SQOR: variants seen among roughly 807,000 people sequenced by gnomAD.
SQOR encodes sulfide quinone oxidoreductase.
Under a neutral mutation model 48.6 loss-of-function variants are expected in SQOR, and 39 were observed. The ratio of observed to expected loss-of-function variants is 0.80; its 90% CI spans 0.62 to 1.05. The LOEUF (loss-of-function observed/expected upper bound fraction) is 1.05, where lower values mean the gene tolerates loss of function less well. SQOR is among the 50% of genes least tolerant of loss of function. The probability of loss-of-function intolerance (pLI) is 0.00; values close to 1 mark genes in which losing one functional copy is unlikely to be tolerated. For missense variants in SQOR, 561 were observed against 559.9 expected (o/e 1.00, Z -0.02); for synonymous variants, 220 against 206.2 (o/e 1.07, Z -0.57).
Position 45,679,219 on chromosome 15 carries a change from A to G in SQOR, c.864+2909A>G, listed in dbSNP as rs1309414579. The stretch of plus-strand genomic sequence containing the variant: ...TTCCACTCTTAAAATCTGAATTTCA[A>G]AAAATCCACCAGAAGGATGTAAAGC... On this transcript the variant is annotated intron_variant, in intron 6 of 9. Transcript: ENST00000260324. Among the ~76,000 whole-genome samples, 4 of 152,240 alleles carry G rather than the reference A, an allele frequency of 2.6e-5. No individual in the cohort carries two copies. The South Asian group carries it at 8.3e-4, about 32-fold the overall frequency.
Position 45,669,953 on chromosome 15 carries a change from CT to C in SQOR, c.432del (p.Leu145SerfsTer22). The C allele has an allele frequency of 6.2e-7, 1 of 1,614,050 alleles. No individual in the cohort carries two copies. The highest frequency in any genetic ancestry group is 1.1e-5 in the South Asian group (1 of 91,072). ...EKISYRYLII[A>X]LGIQLDYEKI... is the part of the protein sequence containing the mutation. ...ATCTCCTACCGATATCTTATTATTG[CT>C]CTCGGAATCCAGCTGGACTATGAGA... On this transcript the variant is annotated frameshift_variant, in exon 4 of 10. Coordinates refer to ENST00000260324, the MANE Select transcript of SQOR (RefSeq NM_021199.4). LOFTEE classifies it high-confidence loss of function.
At chr15:45,688,156 C>T (rs1890254458) in intron 7 of SQOR, among the ~76,000 whole-genome samples, 181 bp from the exon 8 acceptor site, 3 of 152,290 alleles carry the variant, frequency 2.0e-5, no homozygotes, top group African/African-American at 7.2e-5. Flanking sequence ...GCAGGCCTTC[C>T]ATGAATTAAA....
At chr15:45,675,998 C>A in intron 5 of SQOR, 103 bp from the exon 6 acceptor site, 1 of 1,158,036 alleles carries the variant, frequency 8.6e-7, no homozygotes, top group Non-Finnish European at 1.2e-6. Flanking sequence ...GTGGCAAAAG[C>A]TAGCAAGGTC....
intron 1 of SQOR, among the ~76,000 whole-genome samples, chr15:45,651,060 G>A (rs1889476407): frequency 6.6e-6 from 1 of 152,188 alleles, no homozygotes; most frequent in Admixed American, 6.5e-5. Context: ...TCACAGAGCA[G>A]GGGGCGGCGC....
intron 3 of SQOR, among the ~76,000 whole-genome samples, chr15:45,665,628 G>A (rs534997034): frequency 6.7e-6 from 1 of 149,494 alleles, no homozygotes; most frequent in African/African-American, 2.5e-5. Context: ...CTTTTGTCCA[G>A]GCTGGAGTGC....
rs1180843635 is a variant in SQOR at position 45,635,093 on chromosome 15, C to T, written c.-33C>T. 2.0e-5 allele frequency: 3 copies of T among 152,332 alleles called. No homozygotes were observed. Among genetic ancestry groups the T allele is most frequent in the Admixed American group, 6.5e-5 (1 of 15,292 alleles). The allele number at this position is 152,332 out of a possible 1,614,324, so 9.4% of individuals were successfully genotyped here. ...GCTGCGCCAACGCAGTGACCGAAGG[C>T]TCCGCTCACGCCCGGGTAAGAGGCA... On this transcript the variant is annotated 5_prime_UTR_variant, in exon 1 of 10. Coordinates refer to ENST00000260324, the MANE Select transcript of SQOR (RefSeq NM_021199.4).
At chr15:45,659,368 T>C (rs1277978885) in intron 2 of SQOR, among the ~76,000 whole-genome samples, 1 of 151,592 alleles carries the variant, frequency 6.6e-6, no homozygotes, top group Non-Finnish European at 1.5e-5. Context: ...ATCTCTTGGC[T>C]TTTAGTGTTC....
At chr15:45,637,515 A>C (rs1337913111) in intron 1 of SQOR, among the ~76,000 whole-genome samples, 1 of 152,216 alleles carries the variant, frequency 6.6e-6, no homozygotes, top group Non-Finnish European at 1.5e-5. Context: ...ACTAAGTCCA[A>C]AAAACAAAAT....
At chr15:45,635,880 A>T (rs561065755) in intron 1 of SQOR, among the ~76,000 whole-genome samples, 1 of 152,040 alleles carries the variant, frequency 6.6e-6, no homozygotes, top group Non-Finnish European at 1.5e-5. Flanking sequence ...CTGTCGCCCA[A>T]GCTGGAGTGC....
intron 1 of SQOR, among the ~76,000 whole-genome samples, chr15:45,647,227 C>A (rs1889356933): frequency 6.6e-6 from 1 of 151,672 alleles, no homozygotes; most frequent in South Asian, 2.1e-4. Flanking sequence ...CCAGTCTGGG[C>A]AACAGAGTGA....
At chr15:45,650,226 A>G (rs897215504) in intron 1 of SQOR, among the ~76,000 whole-genome samples, 1 of 151,940 alleles carries the variant, frequency 6.6e-6, no homozygotes, top group Non-Finnish European at 1.5e-5. Flanking sequence ...TGCCACCTCC[A>G]CTTCCTGGGC....
chr15:45,658,986 G>C lies in SQOR; in HGVS notation c.63G>C (p.Arg21Ser), dbSNP rs1365276186. Residue 21 changes from arginine (R) to serine (S), a missense_variant, in exon 2 of 10, where the codon AGG (arginine) becomes AGC (serine). Arg to Ser is a moderately radical substitution (Grantham distance 110). Transcript: ENST00000260324. ...CCCAGCTCTTTGCCTGCCTGCTCAG[G>C]CTGGGCACTCAGCAGGTCGGCCCCC... ...PRAQLFACLL[R>S]LGTQQVGPLQ... 1 of 1,601,876 alleles carries C rather than the reference G, an allele frequency of 6.2e-7. No individual in the cohort carries two copies. Among genetic ancestry groups the C allele is most frequent in the Middle Eastern group, 1.9e-4 (1 of 5,274 alleles).
upstream of SQOR, among the ~76,000 whole-genome samples, chr15:45,632,891 C>T (rs1894922391): frequency 6.6e-6 from 1 of 151,624 alleles, no homozygotes; most frequent in African/African-American, 2.4e-5. Flanking sequence ...ATGGCTTGAG[C>T]CCAGGAGTTC....
chr15:45,640,015 C>G (rs1286168460), intron 1 of SQOR, among the ~76,000 whole-genome samples: 1 of 152,170 alleles, frequency 6.6e-6, no homozygotes, highest in African/African-American at 2.4e-5. Context: ...TAATAATTCC[C>G]ACCTCTCTGG....
chr15:45,690,844 A>G, intron 9 of SQOR, 129 bp from the exon 10 acceptor site: 1 of 804,302 alleles, frequency 1.2e-6, no homozygotes, highest in South Asian at 1.4e-5. Context: ...CCAACTCACT[A>G]GACAATCTTG....
intron 3 of SQOR, among the ~76,000 whole-genome samples, chr15:45,667,937 CTTTCTTT>C (rs1889866616): frequency 1.0e-5 from 1 of 99,530 alleles, no homozygotes; most frequent in African/African-American, 3.4e-5. Context: ...TTCTTTCTTT[CTTTCTTT>C]TTTTTTTTTT....
In SQOR at chr15:45,669,969, G is replaced by A. The variant is rs1342639446; in HGVS notation, c.447G>A (p.Leu149=). 1.2e-6 allele frequency: 2 copies of A among 1,614,022 alleles called. No individual in the cohort carries two copies. Reference sequence around the variant, plus strand: ...TTATTATTGCTCTCGGAATCCAGCTGGACTATGAGAAGGTACCGTGTGAAA... The same window carrying A: ...TTATTATTGCTCTCGGAATCCAGCTAGACTATGAGAAGGTACCGTGTGAAA... The part of the protein sequence containing the change: ...RYLIIALGIQ[L]DYEKIKGLPE... The change falls in exon 4 of 10, where the codon CTG becomes CTA. Residue 149 remains leucine (L), a synonymous_variant. Coordinates refer to ENST00000260324, the MANE Select transcript of SQOR (RefSeq NM_021199.4).
At chr15:45,637,853 G>A (rs1179615039) in intron 1 of SQOR, among the ~76,000 whole-genome samples, 1 of 152,202 alleles carries the variant, frequency 6.6e-6, no homozygotes, top group African/African-American at 2.4e-5. Context: ...GGGCATAGAT[G>A]TACTTTTTTC....
chr15:45,669,672 G>A (rs1398856980), intron 3 of SQOR, among the ~76,000 whole-genome samples: 2 of 152,178 alleles, frequency 1.3e-5, no homozygotes, highest in Admixed American at 6.5e-5. Flanking sequence ...ACGGCAGAGG[G>A]CATGATGGGA....
Sources: gnomAD v4.1 joint callset for allele counts (sites outside exome capture counted in the v4.1 genomes callset) on GRCh38, gnomAD v4.1.1 for gene constraint, MANE v1.5 for transcripts, NCBI Gene and HGNC (gene_info 2026-07-23, HGNC 2026-07-21) for gene names.